MRPL1: variants seen among roughly 807,000 people sequenced by gnomAD.
MRPL1 encodes large ribosomal subunit protein uL1m.
A neutral mutation model predicts 38.0 loss-of-function variants in MRPL1; 28 were observed. The observed-to-expected ratio is 0.74, with a 90% CI of 0.55 to 1.01. MRPL1 has a LOEUF of 1.01. Ranked by LOEUF, MRPL1 falls within the 50% of genes least tolerant of loss-of-function variation. The probability of loss-of-function intolerance (pLI) is 0.00; values close to 1 mark genes in which losing one functional copy is unlikely to be tolerated. For synonymous variants in MRPL1, 123 were observed against 126.7 expected (o/e 0.97, Z 0.20); for missense variants, 358 against 389.8 (o/e 0.92, Z 0.69).
intron 7 of MRPL1, among the ~76,000 whole-genome samples, chr4:77,921,532 G>A (rs1245665381): frequency 6.6e-6 from 1 of 152,130 alleles, no homozygotes; most frequent in African/African-American, 2.4e-5. Context: ...GAGAAAAAAA[G>A]GGGATTGAGC....
At position 77,949,801 on chromosome 4, in the gene MRPL1, A is replaced by G. The variant is rs762798375; in HGVS notation, c.782A>G (p.Asp261Gly). The G allele has an allele frequency of 7.1e-5, 113 of 1,596,088 alleles. No homozygotes were observed. Among genetic ancestry groups the G allele is most frequent in the Non-Finnish European group, 8.7e-5 (101 of 1,165,546 alleles). The change falls in exon 8 of 9, where the codon GAT becomes GGT. Residue 261 changes from aspartate (D) to glycine (G), a missense_variant. Coordinates refer to ENST00000315567, the MANE Select transcript of MRPL1 (RefSeq NM_020236.4). Reference sequence around the variant, plus strand: ...ATGTATATTATTTTCTTTCAGTTGGATATGTCAAGTGACCAGATAGCTGCC... The same window carrying G: ...ATGTATATTATTTTCTTTCAGTTGGGTATGTCAAGTGACCAGATAGCTGCC... ...NFLQTKIATLDMSSDQIAANL... is the reference protein window; with the variant it reads ...NFLQTKIATLGMSSDQIAANL...
At chr4:77,872,636 G>A (rs1271887837) in intron 2 of MRPL1, among the ~76,000 whole-genome samples, 1 of 152,278 alleles carries the variant, frequency 6.6e-6, no homozygotes, top group African/African-American at 2.4e-5. Flanking sequence ...AGGCCGAGGC[G>A]GGTGGATCAC....
chr4:77,874,249 G>A (rs924384653), intron 2 of MRPL1, among the ~76,000 whole-genome samples: 3 of 152,170 alleles, frequency 2.0e-5, no homozygotes, highest in African/African-American at 7.2e-5. Context: ...GCCTCCCAAA[G>A]TGCTGGGATT....
At position 77,885,211 on chromosome 4, in the gene MRPL1, A is replaced by G. The variant is rs1735646639; in HGVS notation, c.403-45A>G. The G allele has an allele frequency of 2.1e-6, 3 of 1,411,984 alleles. No homozygotes were observed. In the East Asian group the frequency reaches 6.8e-5, roughly 32 times the overall value. 87.5% of individuals were successfully genotyped at this position (1,411,984 alleles called of 1,614,324 possible). A position where few individuals can be genotyped will look rare whatever the true frequency, so the allele number is the denominator to read the frequency against. On this transcript the variant is annotated intron_variant, in intron 3 of 8. Coordinates refer to ENST00000315567, the MANE Select transcript of MRPL1 (RefSeq NM_020236.4). Reference sequence around the variant, plus strand: ...GTTTTATATAGAGTGTGTGAAATAGAAAAGATTAACTTTACGTAATTATTT... The same window carrying G: ...GTTTTATATAGAGTGTGTGAAATAGGAAAGATTAACTTTACGTAATTATTT...
At chr4:77,885,632 T>G (rs924225998) in intron 4 of MRPL1, among the ~76,000 whole-genome samples, 1 of 152,214 alleles carries the variant, frequency 6.6e-6, no homozygotes, top group African/African-American at 2.4e-5. Flanking sequence ...CCCAAAGTGC[T>G]GGGATTACAG....
chr4:77,930,548 G>A (rs1427604187), intron 7 of MRPL1, among the ~76,000 whole-genome samples: 2 of 152,176 alleles, frequency 1.3e-5, no homozygotes, highest in Non-Finnish European at 1.5e-5. Context: ...TACTAGTGCC[G>A]GGGAGCCACT....
intron 2 of MRPL1, 149 bp downstream of exon 2, chr4:77,872,004 A>AC: frequency 1.6e-6 from 1 of 607,598 alleles, no homozygotes; most frequent in Non-Finnish European, 2.9e-6. Context: ...TGAAGGAAAG[A>AC]TAAGACATAA....
chr4:77,891,072 G>A (rs1735794522), intron 5 of MRPL1, among the ~76,000 whole-genome samples: 1 of 152,002 alleles, frequency 6.6e-6, no homozygotes, highest in South Asian at 2.1e-4. Context: ...CAGAACTAGT[G>A]GAAAGTAGGA....
intron 6 of MRPL1, among the ~76,000 whole-genome samples, chr4:77,895,224 C>T (rs1735885098): frequency 6.6e-6 from 1 of 152,014 alleles, no homozygotes; most frequent in Non-Finnish European, 1.5e-5. Flanking sequence ...AAACTAGAGA[C>T]AGGGAAACCA....
Position 77,888,430 on chromosome 4 carries a change from A to G in MRPL1, c.558+1139A>G, listed in dbSNP as rs544323089. Reference sequence around the variant, plus strand: ...TGAGGCACAAGAATCTCTTGAACCCAGGAGGCGGAGTTTGCAGTGAGCCGA... The same window carrying G: ...TGAGGCACAAGAATCTCTTGAACCCGGGAGGCGGAGTTTGCAGTGAGCCGA... On this transcript the variant is annotated intron_variant, in intron 5 of 8. Coordinates refer to ENST00000315567, the MANE Select transcript of MRPL1 (RefSeq NM_020236.4). Among the ~76,000 whole-genome samples, 3 of 152,130 alleles carry G rather than the reference A, an allele frequency of 2.0e-5. No homozygotes were observed. In the South Asian group the frequency reaches 6.2e-4, roughly 32 times the overall value.
intron 7 of MRPL1, among the ~76,000 whole-genome samples, chr4:77,919,499 A>G (rs1578054422): frequency 2.6e-5 from 4 of 152,184 alleles, no homozygotes; most frequent in Admixed American, 2.6e-4. Flanking sequence ...AATATTGACT[A>G]CCTCACATAT....
At chr4:77,937,157 G>A (rs988773470) in intron 7 of MRPL1, among the ~76,000 whole-genome samples, 3 of 151,922 alleles carry the variant, frequency 2.0e-5, no homozygotes, top group Non-Finnish European at 4.4e-5. Flanking sequence ...AATTTAGTGG[G>A]TATAAACATG....
At chr4:77,891,509 C>T (rs1201217371) in intron 5 of MRPL1, among the ~76,000 whole-genome samples, 5 of 152,202 alleles carry the variant, frequency 3.3e-5, no homozygotes, top group African/African-American at 1.2e-4. Flanking sequence ...GCGCCTGCCA[C>T]TGTGCCCAGC....
At chr4:77,867,576 G>A (rs1735174473) in intron 1 of MRPL1, among the ~76,000 whole-genome samples, 1 of 151,160 alleles carries the variant, frequency 6.6e-6, no homozygotes, top group Admixed American at 6.6e-5. Flanking sequence ...TCAAGAGACG[G>A]GGTCTCACTA....
chr4:77,912,963 A>G (rs1314792658), intron 7 of MRPL1, among the ~76,000 whole-genome samples: 2 of 152,196 alleles, frequency 1.3e-5, no homozygotes, highest in African/African-American at 4.8e-5. Context: ...TTCTTTCAAC[A>G]AACAGTACTG....
chr4:77,888,458 T>C (rs1735732595), intron 5 of MRPL1, among the ~76,000 whole-genome samples: 1 of 152,052 alleles, frequency 6.6e-6, no homozygotes, highest in Non-Finnish European at 1.5e-5. Context: ...TGAGCCGAGA[T>C]TGCGCCTACA....
chr4:77,865,199 C>T (rs1735100237), intron 1 of MRPL1, among the ~76,000 whole-genome samples: 1 of 152,040 alleles, frequency 6.6e-6, no homozygotes, highest in African/African-American at 2.4e-5. Flanking sequence ...CGATTATTGT[C>T]TATACCTTAA....
intron 2 of MRPL1, among the ~76,000 whole-genome samples, chr4:77,882,872 A>G (rs1292771007): frequency 6.6e-6 from 1 of 152,146 alleles, no homozygotes; most frequent in Non-Finnish European, 1.5e-5. Flanking sequence ...ATTGACTTTG[A>G]GGTCATTTCC....
At chr4:77,889,006 A>G (rs2110238182) in intron 5 of MRPL1, among the ~76,000 whole-genome samples, 1 of 152,266 alleles carries the variant, frequency 6.6e-6, no homozygotes, top group South Asian at 2.1e-4. Flanking sequence ...CTAGAAAGAG[A>G]CTTAGACTCC....
Sources: gnomAD v4.1 joint callset for allele counts (sites outside exome capture counted in the v4.1 genomes callset) on GRCh38, gnomAD v4.1.1 for gene constraint, MANE v1.5 for transcripts, NCBI Gene and HGNC (gene_info 2026-07-23, HGNC 2026-07-21) for gene names.